The following CHD5 variants were observed in gnomAD, a reference collection of about 807,000 sequenced individuals.
The protein encoded by CHD5 is chromodomain helicase DNA binding protein 5.
A neutral mutation model predicts 230.3 loss-of-function variants in CHD5; 69 were observed. The ratio of observed to expected loss-of-function variants is 0.30; its 90% CI spans 0.25 to 0.37. CHD5 has a LOEUF of 0.37. Ranked by LOEUF, CHD5 falls within the 10% of genes least tolerant of loss-of-function variation. The pLI, the probability that CHD5 is intolerant of heterozygous loss-of-function variation, is 1.00. For missense variants in CHD5, 1,827 were observed against 2,622.8 expected (o/e 0.70, Z 6.63); for synonymous variants, 1,064 against 1,065.9 (o/e 1.00, Z 0.03).
chr1:6,150,196 A>AGATG (rs57796849), intron 7 of CHD5, among the ~76,000 whole-genome samples: 61,375 of 150,186 alleles, frequency 0.41, 14,584 homozygotes, highest in East Asian at 0.66. Context: ...ACAGAGTGGT[A>AGATG]GATGGATGGA....
Position 6,173,005 on chromosome 1 carries a change from G to A in CHD5, c.80-4728C>T, listed in dbSNP as rs144980622. On this transcript the variant is annotated intron_variant, in intron 1 of 41. Transcript: ENST00000262450. ...CAGGGGCCAAGCCAGGAGCTGGGAC[G>A]AGAACACCATCACCAGGTTGCAAAG... Among the ~76,000 whole-genome samples the A allele has an allele frequency of 6.2e-3, 944 of 152,150 alleles. 5 individuals carry two copies. Among genetic ancestry groups the A allele is most frequent in the South Asian group, 0.016 (76 of 4,810 alleles).
chr1:6,174,693 G>GAA (rs1667392987), intron 1 of CHD5, among the ~76,000 whole-genome samples: 2 of 151,240 alleles, frequency 1.3e-5, no homozygotes, highest in African/African-American at 4.9e-5. Context: ...GATGGTGGAT[G>GAA]GGTGGATGGA....
At chr1:6,113,695 G>C (rs1372839609) in intron 33 of CHD5, among the ~76,000 whole-genome samples, 1 of 152,224 alleles carries the variant, frequency 6.6e-6, no homozygotes, top group African/African-American at 2.4e-5. Flanking sequence ...CTGAAGGAAA[G>C]TTCTCACCAC....
chr1:6,159,353 CATT>C lies in CHD5; in HGVS notation c.367_369del (p.Asn123del), dbSNP rs777830834. 12 of 1,551,778 alleles carry C rather than the reference CATT, an allele frequency of 7.7e-6. 1 individual carries two copies. Among genetic ancestry groups the C allele is most frequent in the East Asian group, 4.9e-5 (2 of 40,912 alleles). ...ACAGTTACCTTTAAGCATCCATCAT[CATT>C]ATCATCCTCATCCTCATCCTTCTTT... On this transcript the variant is annotated inframe_deletion, in exon 3 of 42. Transcript: ENST00000262450.
intron 31 of CHD5, among the ~76,000 whole-genome samples, chr1:6,122,028 G>A (rs963756378): frequency 2.6e-5 from 4 of 152,214 alleles, no homozygotes; most frequent in Non-Finnish European, 4.4e-5. Flanking sequence ...GAGAAGCCCC[G>A]GGAGGTGGGC....
rs1457164568 is a variant in CHD5, at chr1:6,129,246, G to A, written c.3388-177C>T. Reference sequence around the variant, plus strand: ...CAGCTGGGCTCCCTCCCTGACTGCGGAGCCTCCCACAAGCCTGGGTGCCAG... The same window carrying A: ...CAGCTGGGCTCCCTCCCTGACTGCGAAGCCTCCCACAAGCCTGGGTGCCAG... On this transcript the variant is annotated intron_variant, in intron 22 of 41. Transcript: ENST00000262450. The surrounding 1 kb of genome is among the most constrained non-coding windows in gnomAD (Gnocchi z 6.8). 1.3e-5 allele frequency among the ~76,000 whole-genome samples: 2 copies of A among 152,184 alleles called. No individual in the cohort carries two copies. The highest frequency in any genetic ancestry group is 2.9e-5 in the Non-Finnish European group (2 of 68,030).
intron 6 of CHD5, 33 bp downstream of exon 6, chr1:6,152,379 T>C (rs1667019731): frequency 2.5e-6 from 4 of 1,597,744 alleles, no homozygotes; most frequent in Non-Finnish European, 3.4e-6. Flanking sequence ...TGCATGCAAA[T>C]GCACACACAC....
chr1:6,174,706 AATGGATGGTGG>A (rs1667393430), intron 1 of CHD5, among the ~76,000 whole-genome samples: 1 of 142,676 alleles, frequency 7.0e-6, no homozygotes, highest in Non-Finnish European at 1.5e-5. Context: ...TGGATGGATG[AATGGATGGTGG>A]ATGGATGGTG....
intron 1 of CHD5, among the ~76,000 whole-genome samples, chr1:6,177,140 G>A (rs2100891365): frequency 6.6e-6 from 1 of 152,332 alleles, no homozygotes; most frequent in African/African-American, 2.4e-5. Flanking sequence ...AATAGCCGTA[G>A]ACTGAAAAAT....
intron 37 of CHD5, 134 bp downstream of exon 37, chr1:6,110,260 A>T: frequency 9.6e-7 from 1 of 1,041,228 alleles, no homozygotes; most frequent in Non-Finnish European, 1.4e-6. Flanking sequence ...TGATGGACAT[A>T]CTGCTGCTTC....
intron 15 of CHD5, among the ~76,000 whole-genome samples, chr1:6,137,274 AT>A (rs1288232260): frequency 1.3e-5 from 2 of 151,774 alleles, no homozygotes; most frequent in Non-Finnish European, 2.9e-5. Context: ...CACCCAGCTA[AT>A]TTTTGTATTT....
intron 15 of CHD5, among the ~76,000 whole-genome samples, chr1:6,140,714 G>A (rs1347904867): frequency 1.3e-5 from 2 of 152,026 alleles, no homozygotes; most frequent in Non-Finnish European, 2.9e-5. Context: ...GACATAATTA[G>A]TTGTCTGGGC....
At chr1:6,165,191 G>A (rs564203817) in intron 2 of CHD5, among the ~76,000 whole-genome samples, 1 of 152,184 alleles carries the variant, frequency 6.6e-6, no homozygotes, top group South Asian at 2.1e-4. Context: ...AGACCCCCTG[G>A]CCCCCAGCCC....
At chr1:6,124,395 G>A (rs1359718002) in intron 30 of CHD5, 122 bp downstream of exon 30, 17 of 1,178,236 alleles carry the variant, frequency 1.4e-5, no homozygotes, top group East Asian at 7.2e-5. Context: ...GGAGTGACTC[G>A]GACCCTGGGC....
At chr1:6,158,641 G>A (rs1414862243) in intron 3 of CHD5, among the ~76,000 whole-genome samples, 4 of 151,710 alleles carry the variant, frequency 2.6e-5, no homozygotes, top group Admixed American at 2.0e-4. Context: ...AAGAAAAAAA[G>A]AACAGGCTGG....
intron 3 of CHD5, among the ~76,000 whole-genome samples, chr1:6,156,816 T>C (rs1439508513): frequency 6.6e-6 from 1 of 151,882 alleles, no homozygotes; most frequent in African/African-American, 2.4e-5. Flanking sequence ...GCACAGTGAG[T>C]TCTCAAGAGA....
chr1:6,159,635 C>T, intron 2 of CHD5, 120 bp from the exon 3 acceptor site: 2 of 760,708 alleles, frequency 2.6e-6, no homozygotes, highest in Admixed American at 2.7e-5. Flanking sequence ...CGATCCCCAT[C>T]ACTCCACTCA....
At chr1:6,169,546 C>CG (rs1667304973) in intron 1 of CHD5, among the ~76,000 whole-genome samples, 1 of 152,194 alleles carries the variant, frequency 6.6e-6, no homozygotes. Context: ...TGGGGTCTGA[C>CG]GCTCATCTGG....
In CHD5 at chr1:6,159,357, A is replaced by ATCATCC. The variant is rs962029874; in HGVS notation, c.360_365dup (p.Glu120_Asp121dup). The ATCATCC allele has an allele frequency of 1.3e-6, 2 of 1,551,584 alleles. No homozygotes were observed. Among genetic ancestry groups the ATCATCC allele is most frequent in the Admixed American group, 2.0e-5 (1 of 50,986 alleles). On this transcript the variant is annotated inframe_insertion, in exon 3 of 42. Coordinates refer to ENST00000262450, the MANE Select transcript of CHD5 (RefSeq NM_015557.3). ...TTACCTTTAAGCATCCATCATCATT[A>ATCATCC]TCATCCTCATCCTCATCCTTCTTTT...
Sources: allele counts gnomAD v4.1 joint callset (sites outside exome capture counted in the v4.1 genomes callset), GRCh38; gene constraint gnomAD v4.1.1; non-coding constraint Gnocchi (gnomAD v3.1); transcripts MANE v1.5; gene names NCBI Gene and HGNC (gene_info 2026-07-23, HGNC 2026-07-21).